Variants in GLI2 observed in about 807,000 individuals in gnomAD.
GLI2 encodes GLI family zinc finger 2, also known as transcription activator GLI2.
In GLI2, 22 loss-of-function variants were observed where a neutral mutation model predicts 78.9. The ratio of observed to expected loss-of-function variants is 0.28; its 90% CI spans 0.20 to 0.40. The LOEUF (loss-of-function observed/expected upper bound fraction) is 0.40, where lower values mean the gene tolerates loss of function less well. Among genes scored for constraint, GLI2 ranks in the 10% least tolerant of loss-of-function variants. The pLI is 1.00. For missense variants in GLI2, 2,097 were observed against 2,213.2 expected (o/e 0.95, Z 1.05); for synonymous variants, 974 against 963.7 (o/e 1.01, Z -0.20).
chr2:120,897,253 C>T (rs1678022801), intron 2 of GLI2, among the ~76,000 whole-genome samples: 1 of 152,256 alleles, frequency 6.6e-6, no homozygotes, highest in Admixed American at 6.5e-5. Context: ...GGATTCCATC[C>T]TTTGAGTCCT....
At chr2:120,741,659 G>A (rs1682547385) in intron 1 of GLI2, among the ~76,000 whole-genome samples, 2 of 151,514 alleles carry the variant, frequency 1.3e-5, no homozygotes, top group South Asian at 4.2e-4. Flanking sequence ...CCTCCGCGCC[G>A]GCTTTTCCGC....
At chr2:120,785,598 C>T (rs574643535) in intron 1 of GLI2, among the ~76,000 whole-genome samples, 2 of 152,310 alleles carry the variant, frequency 1.3e-5, no homozygotes, top group Admixed American at 6.5e-5. Flanking sequence ...CCTGGATCTG[C>T]AGTCAGCACT....
At chr2:120,777,884 C>A (rs1486483575) in intron 1 of GLI2, among the ~76,000 whole-genome samples, 1 of 151,858 alleles carries the variant, frequency 6.6e-6, no homozygotes, top group Non-Finnish European at 1.5e-5. Context: ...GCCATTGCAC[C>A]CCAGGCTGGG....
intron 1 of GLI2, among the ~76,000 whole-genome samples, chr2:120,794,021 C>T (rs1429025110): frequency 6.6e-6 from 1 of 152,184 alleles, no homozygotes; most frequent in East Asian, 1.9e-4. Context: ...TGTTTTGGGT[C>T]CGTTCTTCAC....
At chr2:120,933,856 G>GCCCTGCCCTGCCCTGC (rs1553468630) in intron 3 of GLI2, among the ~76,000 whole-genome samples, 4 of 131,630 alleles carry the variant, frequency 3.0e-5, no homozygotes, top group Middle Eastern at 3.4e-3. Flanking sequence ...GCCCTGCCCT[G>GCCCTGCCCTGCCCTGC]CCCTGCCCTG....
chr2:120,856,537 C>T (rs1266698791), intron 2 of GLI2, among the ~76,000 whole-genome samples: 1 of 152,190 alleles, frequency 6.6e-6, no homozygotes, highest in Non-Finnish European at 1.5e-5. Context: ...CCGATCTCCA[C>T]TGCCTGTAGA....
intron 1 of GLI2, among the ~76,000 whole-genome samples, chr2:120,783,011 G>A (rs1052952219): frequency 6.6e-6 from 1 of 152,186 alleles, no homozygotes; most frequent in African/African-American, 2.4e-5. Context: ...TGTTGGGGAG[G>A]CCATCGAAAG....
At chr2:120,881,410 TG>T (rs1677113845) in intron 2 of GLI2, among the ~76,000 whole-genome samples, 4 of 29,130 alleles carry the variant, frequency 1.4e-4, no homozygotes, top group East Asian at 9.4e-4. Flanking sequence ...GGAGGACAGG[TG>T]AGGGGAGGAC....
chr2:120,762,458 C>CT (rs1449987830), intron 1 of GLI2, among the ~76,000 whole-genome samples: 2 of 152,192 alleles, frequency 1.3e-5, no homozygotes, highest in Non-Finnish European at 2.9e-5. Flanking sequence ...GCTGGGCTCT[C>CT]TCCCCAGTAC....
chr2:120,767,822 T>C (rs1573358449), intron 1 of GLI2, among the ~76,000 whole-genome samples: 1 of 152,220 alleles, frequency 6.6e-6, no homozygotes, highest in South Asian at 2.1e-4. Flanking sequence ...GTGCCTCTTG[T>C]CTTCATCTGG....
Position 120,986,669 on chromosome 2 carries a change from C to T in GLI2, c.2242+55C>T, listed in dbSNP as rs1408566005. 2.8e-6 allele frequency: 4 copies of T among 1,422,236 alleles called. No individual in the cohort carries two copies. The Admixed American group carries it at 5.1e-5, about 18-fold the overall frequency. The allele number at this position is 1,422,236 out of a possible 1,614,324, so 88.1% of individuals were successfully genotyped here. On this transcript the variant is annotated intron_variant, in intron 13 of 13. Transcript: ENST00000361492. ...GGCAGAAGAGAGTCTGGGGCAGCAC[C>T]AACTAGGCTGGCACCCACCAAGCAC...
intron 3 of GLI2, among the ~76,000 whole-genome samples, chr2:120,933,494 G>A (rs1051660559): frequency 3.9e-5 from 6 of 152,272 alleles, no homozygotes; most frequent in Non-Finnish European, 5.9e-5. Flanking sequence ...GTACAAGGGC[G>A]AGAAGAGAAG....
In GLI2 at chr2:120,737,400, G is replaced by C. The variant is rs1682401431; in HGVS notation, c.-31+1115G>C. On this transcript the variant is annotated intron_variant, in intron 1 of 13. Transcript: ENST00000361492. The surrounding 1 kb of genome is among the most constrained non-coding windows in gnomAD (Gnocchi z 4.3). ...TGGGTGATCGGTCGCTGAGGCTCTC[G>C]GGGACCTCGAGCCCCCCCGAGGGTG... is the stretch of plus-strand genomic sequence containing the variant. 6.6e-6 allele frequency among the ~76,000 whole-genome samples: 1 copy of C among 152,150 alleles called. No individual in the cohort carries two copies. The highest frequency in any genetic ancestry group is 2.1e-4 in the South Asian group (1 of 4,820).
At chr2:120,930,268 C>T (rs796510631) in intron 3 of GLI2, among the ~76,000 whole-genome samples, 4 of 152,348 alleles carry the variant, frequency 2.6e-5, no homozygotes, top group East Asian at 1.9e-4. Context: ...CCTTGTGAAC[C>T]GGCCCTGCTG....
intron 4 of GLI2, among the ~76,000 whole-genome samples, chr2:120,954,117 A>G (rs1418970071): frequency 6.6e-6 from 1 of 152,186 alleles, no homozygotes; most frequent in Non-Finnish European, 1.5e-5. Flanking sequence ...ATGGCAGATT[A>G]GGCTCAAGAG....
chr2:120,916,237 A>G (rs1282725119), intron 2 of GLI2, among the ~76,000 whole-genome samples: 2 of 152,232 alleles, frequency 1.3e-5, no homozygotes, highest in Non-Finnish European at 2.9e-5. Flanking sequence ...TATGTGTATT[A>G]CATCATGTGT....
At chr2:120,910,872 T>A (rs1678781874) in intron 2 of GLI2, among the ~76,000 whole-genome samples, 1 of 152,190 alleles carries the variant, frequency 6.6e-6, no homozygotes, top group Admixed American at 6.5e-5. Context: ...TTTTAAGGGG[T>A]TACATTTCCT....
In GLI2 at chr2:120,820,165, CT is replaced by C. The variant is rs1417361936; in HGVS notation, c.148+22698del. 5.9e-5 allele frequency among the ~76,000 whole-genome samples: 9 copies of C among 152,308 alleles called. No individual in the cohort carries two copies. In the East Asian group the frequency reaches 1.7e-3, roughly 29 times the overall value. ...CAGGCTGGTCCCTTTTGCCCTCTGT[CT>C]GGTTTTCTCTGAGCTAAGATAGTTC... On this transcript the variant is annotated intron_variant, in intron 2 of 13. Transcript: ENST00000361492.
chr2:120,984,485 C>T lies in GLI2; in HGVS notation c.1647C>T (p.Cys549=), dbSNP rs760505664. 6.2e-7 allele frequency: 1 copy of T among 1,614,230 alleles called. No individual in the cohort carries two copies. The highest frequency in any genetic ancestry group is 1.7e-5 in the Admixed American group (1 of 60,038). The stretch of plus-strand genomic sequence containing the variant: ...TCTCTCCCCAGAAACCCTACATCTG[C>T]AAGATCCCAGGCTGCACCAAGAGAT... ...RTHSNEKPYI[C]KIPGCTKRYT... The change falls in exon 12 of 14, where the codon TGC becomes TGT. Residue 549 remains cysteine, a synonymous_variant. Coordinates refer to ENST00000361492, the MANE Select transcript of GLI2 (RefSeq NM_001374353.1).
Sources: gnomAD v4.1 joint callset for allele counts (sites outside exome capture counted in the v4.1 genomes callset) on GRCh38, gnomAD v4.1.1 for gene constraint, Gnocchi (gnomAD v3.1) non-coding constraint, MANE v1.5 for transcripts, NCBI Gene and HGNC (gene_info 2026-07-23, HGNC 2026-07-21) for gene names.